The following SEZ6L variants were observed in gnomAD, a reference collection of about 807,000 sequenced individuals.
The protein encoded by SEZ6L is seizure related 6 homolog like, also known as seizure 6-like protein.
Under a neutral mutation model 106.2 loss-of-function variants are expected in SEZ6L, and 37 were observed. The ratio of observed to expected loss-of-function variants is 0.35; its 90% CI spans 0.27 to 0.46. SEZ6L has a LOEUF of 0.46. Among genes scored for constraint, SEZ6L ranks in the 20% least tolerant of loss-of-function variants. The pLI is 1.00. For missense variants in SEZ6L, 1,172 were observed against 1,332.8 expected, an observed-to-expected ratio of 0.88 and a Z score of 1.88; for synonymous variants, 541 against 570.4, an observed-to-expected ratio of 0.95 and a Z score of 0.73.
At chr22:26,294,224 C>T in intron 2 of SEZ6L, 68 bp from the exon 3 acceptor site, 2 of 1,543,352 alleles carry the variant, frequency 1.3e-6, no homozygotes. Flanking sequence ...CCCATTCCAC[C>T]CCACAGCCCA....
chr22:26,180,658 T>C (rs1257419487), intron 1 of SEZ6L, among the ~76,000 whole-genome samples: 4 of 152,140 alleles, frequency 2.6e-5, no homozygotes, highest in South Asian at 2.1e-4. Context: ...AACTGGTGTA[T>C]TTAGACATTT....
At chr22:26,338,860 T>TTTTTTA (rs1556362495) in intron 9 of SEZ6L, among the ~76,000 whole-genome samples, 1 of 93,734 alleles carries the variant, frequency 1.1e-5, no homozygotes, top group East Asian at 2.8e-4. Flanking sequence ...CCGGACTTTT[T>TTTTTTA]TTTTTTCTTT....
chr22:26,305,116 T>A (rs982775291), intron 5 of SEZ6L, among the ~76,000 whole-genome samples: 1 of 152,210 alleles, frequency 6.6e-6, no homozygotes, highest in Non-Finnish European at 1.5e-5. Flanking sequence ...AATATTAAAA[T>A]CTTATGGGAC....
intron 16 of SEZ6L, 95 bp from the exon 17 acceptor site, chr22:26,380,171 G>A: frequency 5.8e-6 from 7 of 1,196,642 alleles, no homozygotes; most frequent in Non-Finnish European, 8.6e-6. Flanking sequence ...ACGACCAAGG[G>A]CATGGACATA....
chr22:26,340,722 T>C, intron 10 of SEZ6L, 90 bp downstream of exon 10: 2 of 1,054,226 alleles, frequency 1.9e-6, no homozygotes, highest in Non-Finnish European at 2.7e-6. Flanking sequence ...AGTTTTGTAC[T>C]ACAGCGATTT....
At chr22:26,370,997 C>T (rs2146074512) in intron 13 of SEZ6L, among the ~76,000 whole-genome samples, 1 of 110,312 alleles carries the variant, frequency 9.1e-6, no homozygotes, top group Non-Finnish European at 1.8e-5. Context: ...GAGCAAGACC[C>T]TGTATCACAA....
intron 9 of SEZ6L, among the ~76,000 whole-genome samples, 183 bp downstream of exon 9, chr22:26,314,085 C>T (rs1242897194): frequency 7.0e-6 from 1 of 142,810 alleles, no homozygotes; most frequent in Non-Finnish European, 1.5e-5. Flanking sequence ...CACACACACA[C>T]ACACACACAC....
At chr22:26,360,443 C>T (rs1407203637) in intron 12 of SEZ6L, among the ~76,000 whole-genome samples, 3 of 152,256 alleles carry the variant, frequency 2.0e-5, no homozygotes, top group Non-Finnish European at 2.9e-5. Context: ...CCTTGCTCAT[C>T]ATTGTATGCC....
chr22:26,373,633 T>C lies in SEZ6L; in HGVS notation c.2827+150T>C, dbSNP rs2084118278. ...CAAAGATAATCTTAAAATAATATTG[T>C]AGGGGAAAAAAAATTATGGGATTTG... On this transcript the variant is annotated intron_variant, in intron 14 of 16. Transcript: ENST00000248933. 1.6e-5 allele frequency: 11 copies of C among 691,792 alleles called. 2 individuals are homozygous for C. In the South Asian group the frequency reaches 1.9e-4, roughly 12 times the overall value. 42.9% of individuals were successfully genotyped at this position (691,792 alleles called of 1,614,324 possible). A position where few individuals can be genotyped will look rare whatever the true frequency, so the allele number is the denominator to read the frequency against.
rs1168935221 is a variant in SEZ6L at position 26,347,777 on chromosome 22, C to T, written c.2271C>T (p.Thr757=). ...DLPEIQNGWK[T]TSHTELVRGA... is the part of the protein sequence containing the mutation. The stretch of plus-strand genomic sequence containing the variant: ...CCGAGATCCAGAATGGCTGGAAAAC[C>T]ACTTCTCACACGGAGTTGGTGCGGG... The change falls in exon 11 of 17, where the codon ACC becomes ACT. Residue 757 remains threonine, a synonymous_variant. Coordinates refer to ENST00000248933, the MANE Select transcript of SEZ6L (RefSeq NM_021115.5). The T allele has an allele frequency of 1.9e-6, 3 of 1,609,786 alleles. No homozygotes were observed. In the Admixed American group the frequency reaches 5.1e-5, roughly 27 times the overall value.
intron 1 of SEZ6L, among the ~76,000 whole-genome samples, chr22:26,251,902 T>G (rs2145795539): frequency 6.6e-6 from 1 of 152,272 alleles, no homozygotes; most frequent in South Asian, 2.1e-4. Flanking sequence ...GCCCACTCCC[T>G]GCTCCTCCCC....
intron 5 of SEZ6L, among the ~76,000 whole-genome samples, chr22:26,302,886 G>A (rs1184152525): frequency 6.6e-6 from 1 of 152,212 alleles, no homozygotes. Flanking sequence ...GAGGACAGAT[G>A]GCCAGAGCCC....
chr22:26,317,505 G>C (rs1234462647), intron 9 of SEZ6L, among the ~76,000 whole-genome samples: 1 of 151,756 alleles, frequency 6.6e-6, no homozygotes, highest in African/African-American at 2.4e-5. Flanking sequence ...TCTCCCTTTG[G>C]TGCCAGAGGT....
At chr22:26,323,962 T>G (rs551254686) in intron 9 of SEZ6L, among the ~76,000 whole-genome samples, 6 of 151,922 alleles carry the variant, frequency 3.9e-5, no homozygotes, top group Non-Finnish European at 8.8e-5. Context: ...ATGAAGAAAC[T>G]GAGGCTGAGA....
intron 1 of SEZ6L, among the ~76,000 whole-genome samples, chr22:26,282,852 G>A (rs963434859): frequency 6.6e-6 from 1 of 152,172 alleles, no homozygotes; most frequent in Admixed American, 6.5e-5. Context: ...AGATTATTCT[G>A]AAGGTGATTT....
chr22:26,219,242 C>T (rs907538490), intron 1 of SEZ6L, among the ~76,000 whole-genome samples: 20 of 124,548 alleles, frequency 1.6e-4, no homozygotes, highest in African/African-American at 4.6e-4. Flanking sequence ...AGAAGATGTT[C>T]GAGAAATACA....
At chr22:26,379,637 A>T (rs1302286287) in intron 16 of SEZ6L, among the ~76,000 whole-genome samples, 1 of 74,462 alleles carries the variant, frequency 1.3e-5, no homozygotes, top group South Asian at 6.1e-4. Flanking sequence ...TGAAGAAATC[A>T]AACTACCCCC....
chr22:26,291,118 T>G (rs976546458), intron 1 of SEZ6L, among the ~76,000 whole-genome samples: 5 of 152,240 alleles, frequency 3.3e-5, no homozygotes, highest in African/African-American at 1.2e-4. Flanking sequence ...TATAAATCAT[T>G]CTGTTACAAA....
chr22:26,254,745 A>C (rs879359765), intron 1 of SEZ6L, among the ~76,000 whole-genome samples: 4 of 152,308 alleles, frequency 2.6e-5, no homozygotes, highest in Admixed American at 2.0e-4. Context: ...GCAATTGAGC[A>C]TCTGTCCTAC....
Sources: allele counts gnomAD v4.1 joint callset (sites outside exome capture counted in the v4.1 genomes callset), GRCh38; gene constraint gnomAD v4.1.1; transcripts MANE v1.5; gene names NCBI Gene and HGNC (gene_info 2026-07-23, HGNC 2026-07-21).